Variants in FLT4 observed in about 807,000 individuals in gnomAD.
The protein encoded by FLT4 is vascular endothelial growth factor receptor 3.
In FLT4, 30 loss-of-function variants were observed where a neutral mutation model predicts 163.2. The ratio of observed to expected loss-of-function variants is 0.18; its 90% CI spans 0.14 to 0.25. The LOEUF is 0.25. Ranked by LOEUF, FLT4 falls within the 10% of genes least tolerant of loss-of-function variation. FLT4 has a pLI of 1.00. For synonymous variants in FLT4, 884 were observed against 789.5 expected (o/e 1.12, Z -2.01); for missense variants, 1,510 against 1,863.8 (o/e 0.81, Z 3.50).
intron 2 of FLT4, 28 bp downstream of exon 2, chr5:180,631,654 G>A (rs1261169612): frequency 1.9e-6 from 3 of 1,560,388 alleles, no homozygotes; most frequent in South Asian, 1.1e-5. Context: ...AGCCTCTCTG[G>A]CCTGCCAGTG....
At chr5:180,649,417 G>T in intron 1 of FLT4, 71 bp downstream of exon 1, 1 of 1,187,502 alleles carries the variant, frequency 8.4e-7, no homozygotes, top group Non-Finnish European at 1.1e-6. Context: ...CTCAGCGCCC[G>T]CCCCAGGTGC....
At chr5:180,611,645 G>A (rs926620478) in intron 26 of FLT4, 166 bp from the exon 27 acceptor site, 482 of 746,876 alleles carry the variant, frequency 6.5e-4, no homozygotes, top group Non-Finnish European at 9.7e-4. Flanking sequence ...CTCAGCCCTC[G>A]CTCTGCCCTC....
intron 1 of FLT4, among the ~76,000 whole-genome samples, chr5:180,640,978 G>A (rs904108265): frequency 2.0e-5 from 3 of 152,128 alleles, no homozygotes; most frequent in Non-Finnish European, 2.9e-5. Flanking sequence ...TCCAGGTCCT[G>A]GTGCAGAGGT....
In FLT4 at chr5:180,620,782, C is replaced by A. The variant is rs1170381686; in HGVS notation, c.2300-67G>T. 1.3e-6 allele frequency: 2 copies of A among 1,599,100 alleles called. No homozygotes were observed. The highest frequency in any genetic ancestry group is 1.7e-6 in the Non-Finnish European group (2 of 1,169,256). The stretch of plus-strand genomic sequence containing the variant: ...TAAGAGCGTGCACCTGCAGGCAGCA[C>A]CCCTTCTGGTGGCCACGACTTGCCC... On this transcript the variant is annotated intron_variant, in intron 15 of 29. Coordinates refer to ENST00000261937, the MANE Select transcript of FLT4 (RefSeq NM_182925.5). This position sits in a 1 kb window ranked among gnomAD's most constrained non-coding sequence, Gnocchi z 4.4.
At chr5:180,640,852 C>G (rs1765047169) in intron 1 of FLT4, among the ~76,000 whole-genome samples, 1 of 152,190 alleles carries the variant, frequency 6.6e-6, no homozygotes, top group South Asian at 2.1e-4. Context: ...TGTGCCATAC[C>G]CTGGTGGGAC....
rs75516704 is a variant in FLT4, at chr5:180,630,249, G to A, written c.489C>T (p.Pro163=). The A allele has an allele frequency of 6.8e-3, 10,936 of 1,612,428 alleles. 405 individuals carry two copies. In the African/African-American group the frequency reaches 0.09, roughly 13 times the overall value. Residue 163 remains proline (P), a synonymous_variant, in exon 4 of 30, where the codon CCC becomes CCT. Transcript: ENST00000261937. The surrounding 1 kb of genome is among the most constrained non-coding windows in gnomAD (Gnocchi z 6.3). ...AMWVPCLVSI[P]GLNVTLRSQS... is the part of the protein sequence containing the mutation. ...CCGAGCGCAGCGTGACATTGAGGCC[G>A]GGGATGGACACCAGACAGGGCACCC...
chr5:180,604,978 C>T (rs564464382), intron 29 of FLT4, among the ~76,000 whole-genome samples: 1 of 152,282 alleles, frequency 6.6e-6, no homozygotes, highest in South Asian at 2.1e-4. Context: ...TTTTTTCCCC[C>T]AAAATGGGGG....
chr5:180,606,246 T>A (rs76015700), intron 29 of FLT4, among the ~76,000 whole-genome samples: 4 of 152,106 alleles, frequency 2.6e-5, no homozygotes, highest in Middle Eastern at 3.4e-3. Flanking sequence ...CTTCTGGAAC[T>A]TTCTTCTTCC....
chr5:180,638,103 C>T (rs4700966), intron 1 of FLT4, among the ~76,000 whole-genome samples: 128,021 of 152,008 alleles, frequency 0.84, 54,662 homozygotes, highest in East Asian at 0.98. Flanking sequence ...CTCTCCCCAG[C>T]TCCCCTCTGC....
At position 180,609,050 on chromosome 5, in the gene FLT4, T is replaced by C. The variant is rs982192764; in HGVS notation, c.3811A>G (p.Asn1271Asp). Residue 1271 changes from asparagine (N) to aspartate (D), a missense_variant, in exon 29 of 30, where the codon AAC becomes GAC. By Grantham distance (23) the Asn-to-Asp change is conservative. Around this residue, in one of 5 missense-constraint regions of FLT4, gnomAD observed 295 missense variants for 311.0 expected, o/e 0.95. Transcript: ENST00000261937. ...AGCACCATCCCACTGTCTGTCTGGTTGTCCTGTGTGGAGAGGACAAGCCAG... is the reference window on the plus strand; with the variant it reads ...AGCACCATCCCACTGTCTGTCTGGTCGTCCTGTGTGGAGAGGACAAGCCAG... Reference protein sequence around the residue: ...TPTTYKGSVDNQTDSGMVLAS... With the variant: ...TPTTYKGSVDDQTDSGMVLAS... 1 of 1,614,146 alleles carries C rather than the reference T, an allele frequency of 6.2e-7. No homozygotes were observed. Among genetic ancestry groups the C allele is most frequent in the Non-Finnish European group, 8.5e-7 (1 of 1,179,956 alleles).
chr5:180,648,543 CCT>C (rs1252959890), intron 1 of FLT4, among the ~76,000 whole-genome samples: 2 of 152,202 alleles, frequency 1.3e-5, no homozygotes, highest in African/African-American at 4.8e-5. Context: ...CACTGGAACC[CCT>C]GACCCCGCCC....
chr5:180,610,406 G>A (rs976970366), intron 27 of FLT4, among the ~76,000 whole-genome samples: 38 of 152,240 alleles, frequency 2.5e-4, no homozygotes, highest in African/African-American at 8.2e-4. Flanking sequence ...TAAGGCACAC[G>A]TTGAGGGGTT....
intron 1 of FLT4, among the ~76,000 whole-genome samples, chr5:180,639,100 T>C (rs1389138090): frequency 6.6e-6 from 1 of 151,002 alleles, no homozygotes; most frequent in Non-Finnish European, 1.5e-5. Flanking sequence ...GGTGGACGCA[T>C]GGATGGATGG....
chr5:180,648,420 T>C (rs912447588), intron 1 of FLT4, among the ~76,000 whole-genome samples: 1 of 152,166 alleles, frequency 6.6e-6, no homozygotes, highest in Admixed American at 6.5e-5. Flanking sequence ...CTTCTCCATG[T>C]GTAAAATGGG....
At chr5:180,604,458 G>A (rs778542316) in intron 29 of FLT4, among the ~76,000 whole-genome samples, 4 of 152,038 alleles carry the variant, frequency 2.6e-5, no homozygotes, top group Admixed American at 6.6e-5. Context: ...ATCCTCCCGC[G>A]GACTGCTGTG....
rs182817282 is a variant in FLT4, at chr5:180,636,864, C to T, written c.59-5086G>A. On this transcript the variant is annotated intron_variant, in intron 1 of 29. Transcript: ENST00000261937. This position sits in a 1 kb window ranked among gnomAD's most constrained non-coding sequence, Gnocchi z 4.3. ...CTGCCCCGTCCTGGTGCGTGGGGTC[C>T]GCAGCCGCCTCTCTGCATGCTCCCT... Among the ~76,000 whole-genome samples, 5 of 152,074 alleles carry T rather than the reference C, an allele frequency of 3.3e-5. No homozygotes were observed. Among genetic ancestry groups the T allele is most frequent in the East Asian group, 1.9e-4 (1 of 5,142 alleles).
intron 1 of FLT4, among the ~76,000 whole-genome samples, chr5:180,647,520 G>A (rs1765544246): frequency 6.6e-6 from 1 of 151,982 alleles, no homozygotes; most frequent in Non-Finnish European, 1.5e-5. Context: ...GCTTCAGGAT[G>A]CTCAGGCTTC....
intron 6 of FLT4, 126 bp downstream of exon 6, chr5:180,629,570 C>A (rs1763924822): frequency 4.2e-6 from 6 of 1,445,720 alleles, no homozygotes; most frequent in Non-Finnish European, 2.8e-6. Context: ...GGAACACTTG[C>A]CACTCAGACC....
intron 26 of FLT4, chr5:180,611,756 C>G: frequency 1.8e-6 from 1 of 552,108 alleles, no homozygotes; most frequent in Non-Finnish European, 3.3e-6. Flanking sequence ...GAAACCAGCA[C>G]ATCTCAGCCA....
Sources: gnomAD v4.1 joint callset for allele counts (sites outside exome capture counted in the v4.1 genomes callset) on GRCh38, gnomAD v4.1.1 for gene constraint, gnomAD v4.1.1 regional missense constraint, Gnocchi (gnomAD v3.1) non-coding constraint, MANE v1.5 for transcripts, NCBI Gene and HGNC (gene_info 2026-07-23, HGNC 2026-07-21) for gene names.